The following CSMD3 variants were observed in gnomAD, a reference collection of about 807,000 sequenced individuals.
CSMD3 encodes the protein CUB and Sushi multiple domains 3.
In CSMD3, 177 loss-of-function variants were observed where a neutral mutation model predicts 435.2. That is an observed-to-expected ratio of 0.41 (90% CI 0.36 to 0.46). CSMD3 has a LOEUF of 0.46. CSMD3 is among the 20% of genes least tolerant of loss of function. The pLI is 0.34. For missense variants in CSMD3, 4,265 were observed against 4,504.6 expected (o/e 0.95, Z 1.52); for synonymous variants, 1,656 against 1,520.5 (o/e 1.09, Z -2.07).
At chr8:112,967,060 C>T (rs535604210) in intron 7 of CSMD3, among the ~76,000 whole-genome samples, 6 of 151,866 alleles carry the variant, frequency 4.0e-5, no homozygotes, top group South Asian at 2.1e-4. Flanking sequence ...GTTAGAAATG[C>T]GAAATCTCAG....
chr8:112,351,043 G>T, intron 40 of CSMD3, 132 bp downstream of exon 40: 1 of 525,244 alleles, frequency 1.9e-6, no homozygotes, highest in South Asian at 3.3e-5. Flanking sequence ...CTGGTAAAAG[G>T]CAAACTATAT....
chr8:113,185,116 T>C (rs2092479637), intron 3 of CSMD3, among the ~76,000 whole-genome samples: 1 of 152,014 alleles, frequency 6.6e-6, no homozygotes, highest in Admixed American at 6.6e-5. Context: ...CACCAGGCAA[T>C]ATAGGCTGCA....
chr8:112,369,498 G>A (rs139893629), intron 38 of CSMD3, among the ~76,000 whole-genome samples: 182 of 152,240 alleles, frequency 1.2e-3, no homozygotes, highest in African/African-American at 4.3e-3. Flanking sequence ...TAAAGAAAAT[G>A]TAACACATAT....
intron 1 of CSMD3, among the ~76,000 whole-genome samples, chr8:113,429,318 T>C (rs1305826349): frequency 6.6e-6 from 1 of 151,792 alleles, no homozygotes; most frequent in African/African-American, 2.4e-5. Context: ...TAAATATGAC[T>C]TAAACATAAT....
At chr8:112,887,230 T>C (rs2081629515) in intron 10 of CSMD3, among the ~76,000 whole-genome samples, 1 of 149,090 alleles carries the variant, frequency 6.7e-6, no homozygotes. Context: ...TATAAAAGAA[T>C]GTAACTGGGA....
At chr8:112,371,524 C>G (rs1828389242) in intron 38 of CSMD3, among the ~76,000 whole-genome samples, 1 of 152,092 alleles carries the variant, frequency 6.6e-6, no homozygotes, top group South Asian at 2.1e-4. Flanking sequence ...AACCTGACTT[C>G]CAGCCCCCAG....
chr8:112,453,833 A>G (rs1200065031), intron 32 of CSMD3, among the ~76,000 whole-genome samples: 1 of 152,170 alleles, frequency 6.6e-6, no homozygotes, highest in Admixed American at 6.5e-5. Flanking sequence ...CAACAAAGCC[A>G]GAGTCATCAC....
chr8:112,921,544 A>G (rs2082743687), intron 10 of CSMD3, 83 bp downstream of exon 10: 2 of 1,141,358 alleles, frequency 1.8e-6, no homozygotes, highest in Non-Finnish European at 2.7e-6. Context: ...TTACAATTCA[A>G]AGACTTAATT....
intron 1 of CSMD3, among the ~76,000 whole-genome samples, chr8:113,318,794 G>A (rs1244871728): frequency 2.1e-5 from 2 of 93,200 alleles, no homozygotes; most frequent in African/African-American, 6.8e-5. Flanking sequence ...AGATGTGTGT[G>A]TGTGTGTGTG....
At chr8:112,336,508 G>A (rs1824569797) in intron 44 of CSMD3, 144 bp downstream of exon 44, 3 of 702,496 alleles carry the variant, frequency 4.3e-6, no homozygotes, top group Non-Finnish European at 7.4e-6. Flanking sequence ...AATTCTACAA[G>A]ACACATACTG....
At chr8:113,359,432 C>G (rs2094256145) in intron 1 of CSMD3, among the ~76,000 whole-genome samples, 1 of 152,194 alleles carries the variant, frequency 6.6e-6, no homozygotes, top group Non-Finnish European at 1.5e-5. Flanking sequence ...GCCTGAGAAC[C>G]TACCAGATGT....
chr8:113,412,718 G>A (rs528789705), intron 1 of CSMD3, among the ~76,000 whole-genome samples: 1 of 151,918 alleles, frequency 6.6e-6, no homozygotes, highest in South Asian at 2.1e-4. Context: ...GTTTTCCTTC[G>A]TTGCACTGAA....
chr8:113,240,568 A>G (rs948241671), intron 3 of CSMD3, among the ~76,000 whole-genome samples: 3 of 152,194 alleles, frequency 2.0e-5, no homozygotes, highest in Non-Finnish European at 2.9e-5. Flanking sequence ...TTTCTGCATC[A>G]GTAATTAATA....
intron 45 of CSMD3, among the ~76,000 whole-genome samples, chr8:112,333,625 C>A (rs1320380829): frequency 6.6e-6 from 1 of 151,700 alleles, no homozygotes; most frequent in Non-Finnish European, 1.5e-5. Context: ...TTATGTATAT[C>A]TATTATCCAC....
intron 32 of CSMD3, among the ~76,000 whole-genome samples, chr8:112,432,238 T>A (rs1387907197): frequency 6.6e-6 from 1 of 152,182 alleles, no homozygotes; most frequent in South Asian, 2.1e-4. Flanking sequence ...GTTGTATTGT[T>A]CTTCACTAAA....
intron 10 of CSMD3, among the ~76,000 whole-genome samples, chr8:112,866,472 G>A (rs1381573805): frequency 6.6e-6 from 1 of 152,100 alleles, no homozygotes; most frequent in African/African-American, 2.4e-5. Context: ...CTATATCAGA[G>A]TAATGTTATT....
intron 27 of CSMD3, among the ~76,000 whole-genome samples, chr8:112,519,291 G>A (rs1824032941): frequency 6.6e-6 from 1 of 151,884 alleles, no homozygotes; most frequent in Admixed American, 6.6e-5. Flanking sequence ...AAAGATAAAG[G>A]GTCTTAACAA....
Position 113,351,964 on chromosome 8 carries a change from C to A in CSMD3, c.179-37171G>T, listed in dbSNP as rs11985353. Among the ~76,000 whole-genome samples the A allele has an allele frequency of 2.8e-3, 431 of 152,152 alleles. 2 individuals carry two copies. The highest frequency in any genetic ancestry group is 9.7e-3 in the African/African-American group (401 of 41,528). ...TTTTTTTATTAAAGCAGCACCAAAC[C>A]TCTTACCACTATGGTATTACTTTAC... On this transcript the variant is annotated intron_variant, in intron 1 of 70. Coordinates refer to ENST00000297405, the MANE Select transcript of CSMD3 (RefSeq NM_198123.2).
chr8:112,912,783 T>C (rs934725995), intron 10 of CSMD3, among the ~76,000 whole-genome samples: 4 of 151,834 alleles, frequency 2.6e-5, no homozygotes, highest in African/African-American at 9.7e-5. Flanking sequence ...AGACAACATA[T>C]GAAGTGAGAG....
Sources: gnomAD v4.1 joint callset for allele counts (sites outside exome capture counted in the v4.1 genomes callset) on GRCh38, gnomAD v4.1.1 for gene constraint, MANE v1.5 for transcripts, NCBI Gene and HGNC (gene_info 2026-07-23, HGNC 2026-07-21) for gene names.